The following HTR1D variants were observed in gnomAD, a reference collection of about 807,000 sequenced individuals.
The protein encoded by HTR1D is 5-HT-1D.
Under a neutral mutation model 21.1 loss-of-function variants are expected in HTR1D, and 18 were observed. That is an observed-to-expected ratio of 0.85 (90% CI 0.59 to 1.27). The LOEUF is 1.27. Among genes scored for constraint, HTR1D ranks in the 50% most tolerant of loss-of-function variants. The probability of loss-of-function intolerance (pLI) is 0.00; values close to 1 mark genes in which losing one functional copy is unlikely to be tolerated. For missense variants in HTR1D, 456 were observed against 481.4 expected (o/e 0.95, Z 0.49); for synonymous variants, 196 against 204.4 (o/e 0.96, Z 0.35).
chr1:23,203,800 G>A (rs900784484), intron 1 of HTR1D, among the ~76,000 whole-genome samples: 12 of 152,152 alleles, frequency 7.9e-5, no homozygotes, highest in African/African-American at 2.7e-4. Flanking sequence ...ATTGTTCACA[G>A]CAGCACTATT....
rs1020700220 is a variant in HTR1D at position 23,195,449 on chromosome 1, T to C, written c.-782-448A>G. Among the ~76,000 whole-genome samples the C allele has an allele frequency of 3.3e-5, 5 of 152,168 alleles. No homozygotes were observed. In the East Asian group the frequency reaches 9.6e-4, roughly 29 times the overall value. ...TCCTATAGTGAGCATGAATAATTTTTTTTTTTTTGAGACAGAGTCTCGCTC... is the reference window on the plus strand; with the variant it reads ...TCCTATAGTGAGCATGAATAATTTTCTTTTTTTTGAGACAGAGTCTCGCTC... On this transcript the variant is annotated intron_variant, in intron 1 of 1. Coordinates refer to ENST00000374619, the MANE Select transcript of HTR1D (RefSeq NM_000864.5).
chr1:23,194,116 TG>T lies in HTR1D; in HGVS notation c.103del (p.Gln35ArgfsTer42). 2 of 1,614,150 alleles carry T rather than the reference TG, an allele frequency of 1.2e-6. No individual in the cohort carries two copies. The highest frequency in any genetic ancestry group is 1.7e-6 in the Non-Finnish European group (2 of 1,180,024). ...TSEAWDPRTL[Q>X]ALKISLAVVL... ...CACGGCAAGGGAGATCTTGAGCGCC[TG>T]GAGGGTCCTGGGATCCCAAGCCTCT... On this transcript the variant is annotated frameshift_variant, in exon 2 of 2. Transcript: ENST00000374619. LOFTEE classifies it high-confidence loss of function.
rs1447157904 is a variant in HTR1D at position 23,193,128 on chromosome 1, C to A, written c.1092G>T (p.Arg364=). 1 of 1,611,658 alleles carries A rather than the reference C, an allele frequency of 6.2e-7. No homozygotes were observed. The highest frequency in any genetic ancestry group is 1.1e-5 in the South Asian group (1 of 90,402). ...AAGGGACAATTTTCTGAAAAGCTTG[C>A]CGAAACTCTTCATTAAACACAGTGT... The part of the protein sequence containing the change: ...IIYTVFNEEF[R]QAFQKIVPFR... Residue 364 remains arginine (R), a synonymous_variant, in exon 2 of 2, where the codon CGG becomes CGT. Coordinates refer to ENST00000374619, the MANE Select transcript of HTR1D (RefSeq NM_000864.5).
chr1:23,210,168 C>T (rs962001963), intron 1 of HTR1D, among the ~76,000 whole-genome samples: 4 of 152,176 alleles, frequency 2.6e-5, no homozygotes, highest in South Asian at 4.2e-4. Context: ...ACTGCAATCT[C>T]CCAGGTTCAA....
In HTR1D at chr1:23,192,835, CAAA is replaced by C. The variant is rs35477602; in HGVS notation, c.*248_*250del. The C allele has an allele frequency of 9.3e-4, 134 of 143,734 alleles. No homozygotes were observed. Among genetic ancestry groups the C allele is most frequent in the Middle Eastern group, 6.0e-3 (2 of 334 alleles). 8.9% of individuals were successfully genotyped at this position (143,734 alleles called of 1,614,324 possible). ...CTGGCGAGAGGGCAAGACTCCGTCT[CAAA>C]AAAAAAAAAAAAGAAAGAAAATATT... On this transcript the variant is annotated 3_prime_UTR_variant, in exon 2 of 2. Transcript: ENST00000374619.
In HTR1D at chr1:23,194,426, T is replaced by C; in HGVS notation, c.-207A>G. ...AATTAAATAACAATAATAATAATAA[T>C]ATTAAACAAGACCGGACTATTTGAA... On this transcript the variant is annotated 5_prime_UTR_variant, in exon 2 of 2. The change creates a new upstream start codon in the 5' untranslated region. Transcript: ENST00000374619. 2.7e-6 allele frequency: 1 copy of C among 374,718 alleles called. No individual in the cohort carries two copies. Among genetic ancestry groups the C allele is most frequent in the Non-Finnish European group, 4.9e-6 (1 of 202,178 alleles). 23.2% of individuals were successfully genotyped at this position (374,718 alleles called of 1,614,324 possible).
chr1:23,210,482 T>C (rs1000027761), intron 1 of HTR1D, among the ~76,000 whole-genome samples: 1 of 152,032 alleles, frequency 6.6e-6, no homozygotes, highest in African/African-American at 2.4e-5. Flanking sequence ...TATCAGGGTG[T>C]CAGATGGGAA....
At chr1:23,202,200 T>C (rs1056237157) in intron 1 of HTR1D, among the ~76,000 whole-genome samples, 1 of 151,490 alleles carries the variant, frequency 6.6e-6, no homozygotes, top group Non-Finnish European at 1.5e-5. Flanking sequence ...AGGTTCAACC[T>C]ATTCTCCTGC....
intron 1 of HTR1D, among the ~76,000 whole-genome samples, chr1:23,213,445 A>C (rs1358624508): frequency 6.6e-6 from 1 of 152,010 alleles, no homozygotes; most frequent in Non-Finnish European, 1.5e-5. Context: ...GCACCATTGC[A>C]CTCCAGCCTG....
intron 1 of HTR1D, among the ~76,000 whole-genome samples, chr1:23,204,207 G>A (rs1014178168): frequency 6.6e-6 from 1 of 151,480 alleles, no homozygotes; most frequent in South Asian, 2.1e-4. Context: ...CTCACTGCAA[G>A]CTCCGCCTCC....
At chr1:23,196,479 G>T (rs977576285) in intron 1 of HTR1D, among the ~76,000 whole-genome samples, 1 of 150,236 alleles carries the variant, frequency 6.7e-6, no homozygotes, top group Admixed American at 6.7e-5. Context: ...AGCTAAACCT[G>T]CAATGCAGTA....
intron 1 of HTR1D, among the ~76,000 whole-genome samples, chr1:23,197,528 C>T (rs1644693434): frequency 6.6e-6 from 1 of 151,692 alleles, no homozygotes. Flanking sequence ...GTCAGGAGGT[C>T]GAGACCAGCC....
At chr1:23,207,118 G>A (rs1644734703) in intron 1 of HTR1D, among the ~76,000 whole-genome samples, 1 of 152,136 alleles carries the variant, frequency 6.6e-6, no homozygotes, top group Non-Finnish European at 1.5e-5. Flanking sequence ...TACAAGTCAG[G>A]CCGGGCACAG....
intron 1 of HTR1D, among the ~76,000 whole-genome samples, chr1:23,214,662 A>G (rs573919918): frequency 1.3e-5 from 2 of 152,110 alleles, no homozygotes; most frequent in South Asian, 2.1e-4. Flanking sequence ...ACCCTGGTTT[A>G]TGCTAATTTT....
At chr1:23,213,599 C>T (rs139809424) in intron 1 of HTR1D, among the ~76,000 whole-genome samples, 17 of 152,364 alleles carry the variant, frequency 1.1e-4, no homozygotes, top group African/African-American at 4.1e-4. Context: ...TATTCTCTCC[C>T]TTGTCTTCAC....
chr1:23,213,526 C>G (rs776727685), intron 1 of HTR1D, among the ~76,000 whole-genome samples: 13 of 151,806 alleles, frequency 8.6e-5, no homozygotes, highest in Non-Finnish European at 1.5e-4. Context: ...GCTCACATAT[C>G]AATGGCAAAG....
At chr1:23,195,811 G>A (rs905338212) in intron 1 of HTR1D, among the ~76,000 whole-genome samples, 1 of 152,020 alleles carries the variant, frequency 6.6e-6, no homozygotes, top group African/African-American at 2.4e-5. Flanking sequence ...TAATAAACCA[G>A]TAATTTTAAA....
chr1:23,193,756 G>T lies in HTR1D; in HGVS notation c.464C>A (p.Ala155Glu). 1.2e-6 allele frequency: 2 copies of T among 1,614,156 alleles called. No individual in the cohort carries two copies. The highest frequency in any genetic ancestry group is 2.2e-5 in the South Asian group (2 of 91,080). ...CCAGACAATGGCGATCATGGTGGCC[G>T]CGTGGCCAGCCGTCCTGCGTTTACT... ...EYSKRRTAGH[A>E]ATMIAIVWAI... The change falls in exon 2 of 2, where the codon GCG becomes GAG. Residue 155 changes from alanine (A) to glutamate (E), a missense_variant. Physicochemically the swap from Ala to Glu is moderately radical, Grantham distance 107. Coordinates refer to ENST00000374619, the MANE Select transcript of HTR1D (RefSeq NM_000864.5).
intron 1 of HTR1D, among the ~76,000 whole-genome samples, chr1:23,213,209 C>T (rs769262986): frequency 3.3e-5 from 5 of 152,116 alleles, no homozygotes; most frequent in Non-Finnish European, 7.3e-5. Flanking sequence ...TTCCCCAGCA[C>T]TTAACCAGTT....
Sources: gnomAD v4.1 joint callset for allele counts (sites outside exome capture counted in the v4.1 genomes callset) on GRCh38, gnomAD v4.1.1 for gene constraint, MANE v1.5 for transcripts, NCBI Gene and HGNC (gene_info 2026-07-23, HGNC 2026-07-21) for gene names.